The following UTP20 variants were observed in gnomAD, a reference collection of about 807,000 sequenced individuals.
UTP20 encodes the protein small subunit processome component 20 homolog.
A neutral mutation model predicts 329.5 loss-of-function variants in UTP20; 164 were observed. That is an observed-to-expected ratio of 0.50 (90% CI 0.44 to 0.57). The LOEUF is 0.57. Ranked by LOEUF, UTP20 falls within the 20% of genes least tolerant of loss-of-function variation. The pLI is 0.00. For synonymous variants in UTP20, 1,151 were observed against 1,159.3 expected (o/e 0.99, Z 0.14); for missense variants, 3,055 against 3,284.2 (o/e 0.93, Z 1.71).
chr12:101,304,673 G>A (rs931587022), intron 15 of UTP20, among the ~76,000 whole-genome samples: 3 of 152,172 alleles, frequency 2.0e-5, no homozygotes, highest in Non-Finnish European at 4.4e-5. Context: ...CATCTAGTGG[G>A]TGGAGGCCAG....
Position 101,334,433 on chromosome 12 carries a change from G to T in UTP20, c.3570G>T (p.Arg1190Ser). Residue 1190 changes from arginine to serine, a missense_variant, in exon 29 of 62, where the codon AGG (arginine) becomes AGT (serine). Arg to Ser is a moderately radical substitution (Grantham distance 110, BLOSUM62 -1). Coordinates refer to ENST00000261637, the MANE Select transcript of UTP20 (RefSeq NM_014503.3). ...FHGAVWPQIS[R>S]LGSESQYSPT... ...TTTACTTTGTCTCCTAGATCAGCAG[G>T]CTTGGATCTGAGAGTCAATATTCTC... 1 of 1,611,618 alleles carries T rather than the reference G, an allele frequency of 6.2e-7. No individual in the cohort carries two copies.
Position 101,285,589 on chromosome 12 carries a change from T to C in UTP20, c.146T>C (p.Phe49Ser), listed in dbSNP as rs199984180. Residue 49 changes from phenylalanine to serine, a missense_variant, in exon 3 of 62, where the codon TTT becomes TCT. Transcript: ENST00000261637. ...TGACAGGAGGTTGAAACCTACTTTT[T>C]TGAGGGTCTGCTGAAATGGAGAGAA... ...SYEEEVETYF[F>S]EGLLKWRELN... 4.6e-4 allele frequency: 742 copies of C among 1,613,720 alleles called. 1 individual carries two copies. Among genetic ancestry groups the C allele is most frequent in the South Asian group, 9.7e-4 (88 of 91,074 alleles).
intron 1 of UTP20, 107 bp downstream of exon 1, chr12:101,280,434 C>G: frequency 1.4e-6 from 2 of 1,389,186 alleles, no homozygotes; most frequent in Non-Finnish European, 2.0e-6. Context: ...CCGAGTGTGT[C>G]ACTTTCCTGG....
chr12:101,345,723 T>C (rs752122850), intron 37 of UTP20, 29 bp downstream of exon 37: 21 of 1,589,884 alleles, frequency 1.3e-5, no homozygotes, highest in Non-Finnish European at 1.8e-5. Context: ...TTTTCCTACC[T>C]ACGACATAAG....
At chr12:101,354,261 C>CAAAAAAAAAAA (rs71091489) in intron 40 of UTP20, among the ~76,000 whole-genome samples, 3 of 80,010 alleles carry the variant, frequency 3.7e-5, no homozygotes, top group Non-Finnish European at 5.7e-5. Context: ...GACTCTGTCT[C>CAAAAAAAAAAA]AAAAAAAAAA....
chr12:101,354,434 C>G (rs1869646965), intron 40 of UTP20, among the ~76,000 whole-genome samples: 1 of 152,024 alleles, frequency 6.6e-6, no homozygotes, highest in South Asian at 2.1e-4. Context: ...TTCCCACTAA[C>G]TTGTAAAATT....
intron 27 of UTP20, among the ~76,000 whole-genome samples, chr12:101,333,066 A>G (rs568246127): frequency 6.6e-6 from 1 of 152,220 alleles, no homozygotes; most frequent in Non-Finnish European, 1.5e-5. Context: ...CTTAAGGATA[A>G]CTAGTGTGAC....
rs768499716 is a variant in UTP20, at chr12:101,365,608, G to C, written c.6108G>C (p.Leu2036=). The stretch of plus-strand genomic sequence containing the variant: ...GTTTGATCAGTGAAAATCTTCCCCT[G>C]TTAACAGAGAAAGAAAAGTAAGTTG... ...SYGLISENLP[L]LTEKEKNPVA... The change falls in exon 46 of 62, where the codon CTG becomes CTC. Residue 2036 remains leucine, a synonymous_variant. Coordinates refer to ENST00000261637, the MANE Select transcript of UTP20 (RefSeq NM_014503.3). 2 of 1,564,320 alleles carry C rather than the reference G, an allele frequency of 1.3e-6. No homozygotes were observed. Among genetic ancestry groups the C allele is most frequent in the Admixed American group, 4.2e-5 (2 of 47,242 alleles).
chr12:101,342,536 T>C lies in UTP20; in HGVS notation c.4192T>C (p.Phe1398Leu). The C allele has an allele frequency of 6.2e-7, 1 of 1,613,936 alleles. No individual in the cohort carries two copies. The highest frequency in any genetic ancestry group is 8.5e-7 in the Non-Finnish European group (1 of 1,179,906). ...TSFLKPIAKL[F>L]SVIKNKLSRK... The stretch of plus-strand genomic sequence containing the variant: ...CTTCCTCAAGCCTATAGCAAAACTT[T>C]TCTCAGTTATTAAGAACAAATTGTC... Residue 1398 changes from phenylalanine to leucine, a missense_variant, in exon 33 of 62, where the codon TTC becomes CTC. Around this residue, in one of 3 missense-constraint regions of UTP20, gnomAD observed 2,445 missense variants for 2,575.5 expected, o/e 0.95. Coordinates refer to ENST00000261637, the MANE Select transcript of UTP20 (RefSeq NM_014503.3).
chr12:101,378,751 G>A (rs1189810954), intron 56 of UTP20, among the ~76,000 whole-genome samples: 1 of 151,928 alleles, frequency 6.6e-6, no homozygotes, highest in African/African-American at 2.4e-5. Context: ...AAATGTAACT[G>A]TTAATGTCAC....
intron 23 of UTP20, 117 bp from the exon 24 acceptor site, chr12:101,320,735 T>C: frequency 2.6e-6 from 2 of 755,724 alleles, no homozygotes; most frequent in Non-Finnish European, 4.0e-6. Flanking sequence ...CAGGTTTAGG[T>C]CTTGTGTAAA....
At chr12:101,293,760 T>A (rs1341166339) in intron 11 of UTP20, among the ~76,000 whole-genome samples, 1 of 152,238 alleles carries the variant, frequency 6.6e-6, no homozygotes, top group African/African-American at 2.4e-5. Flanking sequence ...TATATTCTCA[T>A]TTGCCTAAAA....
At chr12:101,359,079 T>G (rs1438580319) in intron 43 of UTP20, among the ~76,000 whole-genome samples, 2 of 152,188 alleles carry the variant, frequency 1.3e-5, no homozygotes, top group African/African-American at 4.8e-5. Flanking sequence ...TTGTCTTTTG[T>G]TTCTGGAGAC....
At chr12:101,290,302 T>C in intron 7 of UTP20, 28 bp downstream of exon 7, 1 of 1,559,030 alleles carries the variant, frequency 6.4e-7, no homozygotes, top group Non-Finnish European at 8.6e-7. Flanking sequence ...GTGCTTAGAG[T>C]CTATGTGGAT....
intron 21 of UTP20, among the ~76,000 whole-genome samples, chr12:101,316,920 A>T (rs887655235): frequency 6.6e-6 from 1 of 152,346 alleles, no homozygotes; most frequent in Non-Finnish European, 1.5e-5. Flanking sequence ...GATAAAACAT[A>T]AAGACTCACT....
chr12:101,355,769 T>G (rs889580269), intron 41 of UTP20, among the ~76,000 whole-genome samples: 1 of 152,212 alleles, frequency 6.6e-6, no homozygotes, highest in African/African-American at 2.4e-5. Flanking sequence ...ATTTATATTT[T>G]GTATATTTGT....
intron 17 of UTP20, among the ~76,000 whole-genome samples, chr12:101,307,767 T>C (rs1872679936): frequency 6.6e-6 from 1 of 152,192 alleles, no homozygotes; most frequent in African/African-American, 2.4e-5. Context: ...GATGGTTAGG[T>C]AGGTTTTGCA....
At chr12:101,310,605 T>C (rs1872760793) in intron 19 of UTP20, among the ~76,000 whole-genome samples, 1 of 89,150 alleles carries the variant, frequency 1.1e-5, no homozygotes. Context: ...AAAATACATG[T>C]TATGGCTCAT....
chr12:101,334,315 C>G (rs751392526), intron 28 of UTP20, 110 bp from the exon 29 acceptor site: 5 of 847,308 alleles, frequency 5.9e-6, no homozygotes, highest in Non-Finnish European at 9.1e-6. Flanking sequence ...TCATCTCTGT[C>G]CCTTGTCTTT....
Sources: gnomAD v4.1 joint callset for allele counts (sites outside exome capture counted in the v4.1 genomes callset) on GRCh38, gnomAD v4.1.1 for gene constraint, gnomAD v4.1.1 regional missense constraint, MANE v1.5 for transcripts, NCBI Gene and HGNC (gene_info 2026-07-23, HGNC 2026-07-21) for gene names.